The following OPCML variants were observed in gnomAD, a reference collection of about 807,000 sequenced individuals.
The protein encoded by OPCML is opioid binding protein/cell adhesion molecule like.
A neutral mutation model predicts 37.8 loss-of-function variants in OPCML; 13 were observed. That is an observed-to-expected ratio of 0.34 (90% CI 0.22 to 0.55). The LOEUF (loss-of-function observed/expected upper bound fraction) is 0.55. Among genes scored for constraint, OPCML ranks in the 20% least tolerant of loss-of-function variants. OPCML has a pLI of 0.91. For missense variants in OPCML, 341 were observed against 435.6 expected, an observed-to-expected ratio of 0.78 and a Z score of 1.93; for synonymous variants, 176 against 168.8, an observed-to-expected ratio of 1.04 and a Z score of -0.33.
At chr11:133,116,738 C>A (rs1949339414) in intron 1 of OPCML, among the ~76,000 whole-genome samples, 1 of 151,080 alleles carries the variant, frequency 6.6e-6, no homozygotes, top group Non-Finnish European at 1.5e-5. Flanking sequence ...TTCTAGTATA[C>A]CAAGTTACTA....
chr11:133,035,983 A>C (rs1008461175), intron 1 of OPCML, among the ~76,000 whole-genome samples: 1 of 152,198 alleles, frequency 6.6e-6, no homozygotes, highest in Non-Finnish European at 1.5e-5. Flanking sequence ...AAACTATGAG[A>C]AAGTGAATAT....
At chr11:132,834,622 G>A (rs887619171) in intron 2 of OPCML, among the ~76,000 whole-genome samples, 1 of 152,186 alleles carries the variant, frequency 6.6e-6, no homozygotes, top group East Asian at 1.9e-4. Flanking sequence ...CTGAGTCTGT[G>A]TCTTCACATG....
intron 2 of OPCML, among the ~76,000 whole-genome samples, chr11:132,793,751 C>A (rs1428374038): frequency 6.6e-6 from 1 of 152,182 alleles, no homozygotes; most frequent in Non-Finnish European, 1.5e-5. Flanking sequence ...CAAGTCTGTC[C>A]CCCATCTCTC....
At chr11:132,759,745 G>T (rs946856818) in intron 2 of OPCML, among the ~76,000 whole-genome samples, 9 of 151,748 alleles carry the variant, frequency 5.9e-5, no homozygotes, top group African/African-American at 2.2e-4. Context: ...TTTCTAAAAG[G>T]CAGTTCCTGG....
intron 1 of OPCML, among the ~76,000 whole-genome samples, chr11:132,969,528 AC>A (rs773716250): frequency 1.3e-4 from 19 of 150,642 alleles, no homozygotes; most frequent in Non-Finnish European, 2.1e-4. Context: ...TTGTTCTGGG[AC>A]CCCCCCTGCA....
chr11:133,102,047 T>G (rs1166587618), intron 1 of OPCML, among the ~76,000 whole-genome samples: 2 of 152,210 alleles, frequency 1.3e-5, no homozygotes, highest in Non-Finnish European at 2.9e-5. Context: ...AATTAGTGGT[T>G]TCCAAGTGTT....
chr11:132,815,062 A>AC, intron 2 of OPCML, among the ~76,000 whole-genome samples: 1 of 152,004 alleles, frequency 6.6e-6, no homozygotes, highest in East Asian at 1.9e-4. Flanking sequence ...GATTTTCGTG[A>AC]CCCCCATAAA....
rs1327842137 is a variant in OPCML at position 133,177,503 on chromosome 11, C to T, written c.62-234493G>A. Among the ~76,000 whole-genome samples, 2 of 152,196 alleles carry T rather than the reference C, an allele frequency of 1.3e-5. No homozygotes were observed. Among genetic ancestry groups the T allele is most frequent in the Admixed American group, 6.5e-5 (1 of 15,286 alleles). On this transcript the variant is annotated intron_variant, in intron 1 of 7. Coordinates refer to ENST00000524381, the MANE Select transcript of OPCML (RefSeq NM_001012393.5). The surrounding 1 kb of genome is among the most constrained non-coding windows in gnomAD (Gnocchi z 5.0). ...AAATAAACAAATCAAAATCCTGCTTCCTGATGGACAGGAAAGACTGCACCA... is the reference window on the plus strand; with the variant it reads ...AAATAAACAAATCAAAATCCTGCTTTCTGATGGACAGGAAAGACTGCACCA...
At chr11:133,005,002 T>C in intron 1 of OPCML, 1 of 985,300 alleles carries the variant, frequency 1.0e-6, no homozygotes, top group Non-Finnish European at 1.2e-6. Flanking sequence ...CTCTTACTCC[T>C]CCCATCCCTC....
At chr11:133,412,860 A>G (rs1945679041) in intron 1 of OPCML, among the ~76,000 whole-genome samples, 1 of 152,164 alleles carries the variant, frequency 6.6e-6, no homozygotes, top group Non-Finnish European at 1.5e-5. Flanking sequence ...AAATTAGCAA[A>G]TTTGACCAAA....
chr11:132,809,357 C>G (rs1227048890), intron 2 of OPCML, among the ~76,000 whole-genome samples: 1 of 152,116 alleles, frequency 6.6e-6, no homozygotes, highest in African/African-American at 2.4e-5. Flanking sequence ...CAGTTCCCCC[C>G]ATACTCCAGG....
At chr11:132,507,530 T>C (rs1472859688) in intron 4 of OPCML, among the ~76,000 whole-genome samples, 1 of 151,932 alleles carries the variant, frequency 6.6e-6, no homozygotes, top group Admixed American at 6.6e-5. Flanking sequence ...CGAACAGTTA[T>C]CAAAATTGAA....
chr11:132,598,049 CT>C (rs1394195502), intron 3 of OPCML, among the ~76,000 whole-genome samples: 5 of 152,108 alleles, frequency 3.3e-5, no homozygotes, highest in Admixed American at 6.5e-5. Flanking sequence ...GCAACCCTCG[CT>C]CCATTCATAG....
intron 1 of OPCML, among the ~76,000 whole-genome samples, chr11:132,955,782 C>G (rs1005246374): frequency 6.6e-6 from 1 of 151,912 alleles, no homozygotes; most frequent in Non-Finnish European, 1.5e-5. Flanking sequence ...CTCAGGAGGC[C>G]AAGGCAGGAG....
intron 4 of OPCML, among the ~76,000 whole-genome samples, chr11:132,486,611 A>T (rs2096200605): frequency 6.6e-6 from 1 of 151,926 alleles, no homozygotes. Flanking sequence ...ATTGTCTCAT[A>T]AATTTATTTT....
intron 1 of OPCML, among the ~76,000 whole-genome samples, chr11:133,333,811 C>T (rs1028077313): frequency 5.3e-5 from 8 of 151,976 alleles, no homozygotes; most frequent in Non-Finnish European, 8.8e-5. Flanking sequence ...ACAAAAAACC[C>T]CATTGAAAAG....
At position 133,532,253 on chromosome 11, in the gene OPCML, C is replaced by T. The variant is rs1273342037; in HGVS notation, c.61+11G>A. ...CCCAGGGAGAGAAAACACCCTTCCC[C>T]TGTACGGTACCTGGGATGAAGAGCA... On this transcript the variant is annotated intron_variant, in intron 1 of 7. Transcript: ENST00000524381. 1 of 1,613,510 alleles carries T rather than the reference C, an allele frequency of 6.2e-7. No individual in the cohort carries two copies. The highest frequency in any genetic ancestry group is 1.3e-5 in the African/African-American group (1 of 74,910).
chr11:133,009,816 T>A (rs779010890), intron 1 of OPCML, among the ~76,000 whole-genome samples: 9 of 152,174 alleles, frequency 5.9e-5, no homozygotes, highest in Non-Finnish European at 1.5e-5. Context: ...TGCTGGCCAC[T>A]CACCTTCTGC....
intron 3 of OPCML, among the ~76,000 whole-genome samples, chr11:132,565,678 A>G (rs1411173623): frequency 6.6e-6 from 1 of 152,204 alleles, no homozygotes; most frequent in East Asian, 1.9e-4. Flanking sequence ...ATAGAAAACC[A>G]ATGTGTCTTC....
Sources: allele counts gnomAD v4.1 joint callset (sites outside exome capture counted in the v4.1 genomes callset), GRCh38; gene constraint gnomAD v4.1.1; non-coding constraint Gnocchi (gnomAD v3.1); transcripts MANE v1.5; gene names NCBI Gene and HGNC (gene_info 2026-07-23, HGNC 2026-07-21).